Variants in SPATA17 observed in about 807,000 individuals in gnomAD.
SPATA17 encodes the protein spermatogenesis-associated protein 17.
In SPATA17, 53 loss-of-function variants were observed where a neutral mutation model predicts 62.2. The observed-to-expected ratio is 0.85, with a 90% CI of 0.68 to 1.07. The LOEUF (loss-of-function observed/expected upper bound fraction) is 1.07, where lower values mean the gene tolerates loss of function less well. Among genes scored for constraint, SPATA17 ranks in the 50% least tolerant of loss-of-function variants. The pLI is 0.00. For synonymous variants in SPATA17, 146 were observed against 146.8 expected (o/e 0.99, Z 0.04); for missense variants, 466 against 425.5 (o/e 1.10, Z -0.84).
rs192415634 is a variant in SPATA17, at chr1:217,868,201, G to T, written c.*1182G>T. The T allele has an allele frequency of 2.4e-4, 36 of 151,988 alleles. No homozygotes were observed. The highest frequency in any genetic ancestry group is 7.5e-4 in the African/African-American group (31 of 41,454). 9.4% of individuals were successfully genotyped at this position (151,988 alleles called of 1,614,324 possible). A position where few individuals can be genotyped will look rare whatever the true frequency, so the allele number is the denominator to read the frequency against. ...TATTGGTGGTATAAAAGAATTATTG[G>T]TTTTTTTTAGGTGTCATGGTATTGT... On this transcript the variant is annotated 3_prime_UTR_variant, in exon 11 of 11. Transcript: ENST00000366933.
chr1:217,667,282 C>T (rs896336720), intron 3 of SPATA17, among the ~76,000 whole-genome samples: 4 of 151,862 alleles, frequency 2.6e-5, no homozygotes, highest in Admixed American at 6.6e-5. Context: ...CTCCTGACCT[C>T]GTGAGTCGCC....
At chr1:217,858,598 A>C (rs899484611) in intron 9 of SPATA17, among the ~76,000 whole-genome samples, 1 of 152,254 alleles carries the variant, frequency 6.6e-6, no homozygotes, top group Admixed American at 6.5e-5. Context: ...TTATTGATTC[A>C]GTTTTTTAAA....
intron 5 of SPATA17, among the ~76,000 whole-genome samples, chr1:217,728,967 T>A (rs1672334551): frequency 6.6e-6 from 1 of 152,204 alleles, no homozygotes; most frequent in South Asian, 2.1e-4. Context: ...CCAAGTTCAC[T>A]CCAATAATTC....
At chr1:217,706,377 C>T (rs1671734863) in intron 5 of SPATA17, among the ~76,000 whole-genome samples, 1 of 152,170 alleles carries the variant, frequency 6.6e-6, no homozygotes, top group Admixed American at 6.5e-5. Context: ...TATCTCAAAT[C>T]ATAATCCCCA....
intron 9 of SPATA17, among the ~76,000 whole-genome samples, chr1:217,860,704 A>G (rs190500379): frequency 1.3e-5 from 2 of 152,266 alleles, no homozygotes; most frequent in African/African-American, 4.8e-5. Flanking sequence ...ATCTTTCTGC[A>G]TCTCTTTACT....
At chr1:217,807,426 T>C (rs1202060134) in intron 9 of SPATA17, among the ~76,000 whole-genome samples, 2 of 152,164 alleles carry the variant, frequency 1.3e-5, no homozygotes, top group Non-Finnish European at 1.5e-5. Flanking sequence ...AAATCACATA[T>C]AAAAGGAAAC....
chr1:217,719,580 A>G (rs2102932965), intron 5 of SPATA17, among the ~76,000 whole-genome samples: 1 of 152,348 alleles, frequency 6.6e-6, no homozygotes. Context: ...TGGATATTGT[A>G]TCAGTCAGGG....
chr1:217,791,474 T>C (rs929868806), intron 8 of SPATA17, among the ~76,000 whole-genome samples: 1 of 152,188 alleles, frequency 6.6e-6, no homozygotes, highest in Admixed American at 6.5e-5. Context: ...GGCTGTATAG[T>C]GAGAACTGTG....
chr1:217,653,969 G>GA (rs947938507), intron 3 of SPATA17, among the ~76,000 whole-genome samples: 1 of 151,896 alleles, frequency 6.6e-6, no homozygotes, highest in African/African-American at 2.4e-5. Context: ...CACAGGTATG[G>GA]AAAAAATGTA....
At chr1:217,813,801 C>T (rs996625846) in intron 9 of SPATA17, among the ~76,000 whole-genome samples, 2 of 151,790 alleles carry the variant, frequency 1.3e-5, no homozygotes, top group African/African-American at 2.4e-5. Context: ...TCTATAGATG[C>T]ATTTGTATAT....
chr1:217,641,717 G>T (rs1166042164), intron 1 of SPATA17, among the ~76,000 whole-genome samples: 1 of 151,994 alleles, frequency 6.6e-6, no homozygotes, highest in Non-Finnish European at 1.5e-5. Flanking sequence ...AATCATATGA[G>T]AGTAAGTTGC....
chr1:217,823,441 T>A (rs557122449), intron 9 of SPATA17, among the ~76,000 whole-genome samples: 2 of 152,074 alleles, frequency 1.3e-5, no homozygotes, highest in South Asian at 4.1e-4. Context: ...GTTTAATTTT[T>A]CACTCTGCTC....
chr1:217,658,584 C>T (rs1196869561), intron 3 of SPATA17, among the ~76,000 whole-genome samples: 2 of 151,910 alleles, frequency 1.3e-5, no homozygotes, highest in Non-Finnish European at 2.9e-5. Flanking sequence ...TGGTGATAGC[C>T]CGTCTCTACT....
intron 5 of SPATA17, among the ~76,000 whole-genome samples, chr1:217,690,535 T>A (rs1320422877): frequency 2.7e-5 from 4 of 145,908 alleles, no homozygotes; most frequent in African/African-American, 1.0e-4. Context: ...CATGTGCACA[T>A]TGTGCAGGTT....
At chr1:217,782,471 C>A in intron 8 of SPATA17, 149 bp downstream of exon 8, 1 of 871,606 alleles carries the variant, frequency 1.1e-6, no homozygotes, top group Non-Finnish European at 1.6e-6. Flanking sequence ...AATTTTTCAG[C>A]ATGCAAATGA....
chr1:217,747,476 C>T (rs557957344), intron 6 of SPATA17, among the ~76,000 whole-genome samples: 2 of 152,032 alleles, frequency 1.3e-5, no homozygotes, highest in African/African-American at 4.8e-5. Context: ...ATTACAGACA[C>T]AAATGTAAAA....
chr1:217,808,065 C>T (rs567741075), intron 9 of SPATA17, among the ~76,000 whole-genome samples: 158 of 152,240 alleles, frequency 1.0e-3, no homozygotes, highest in Admixed American at 2.0e-3. Flanking sequence ...TAATAAAGAG[C>T]CATACGTTCT....
chr1:217,741,636 CT>C (rs1672627279), intron 5 of SPATA17, among the ~76,000 whole-genome samples: 1 of 151,240 alleles, frequency 6.6e-6, no homozygotes, highest in African/African-American at 2.4e-5. Context: ...CAGATGCTTT[CT>C]TGGGATATTT....
At chr1:217,708,726 AC>A (rs1671792908) in intron 5 of SPATA17, among the ~76,000 whole-genome samples, 1 of 151,888 alleles carries the variant, frequency 6.6e-6, no homozygotes, top group Non-Finnish European at 1.5e-5. Flanking sequence ...AGATGCAACA[AC>A]AAAAAAAAAA....
Sources: gnomAD v4.1 joint callset for allele counts (sites outside exome capture counted in the v4.1 genomes callset) on GRCh38, gnomAD v4.1.1 for gene constraint, MANE v1.5 for transcripts, NCBI Gene and HGNC (gene_info 2026-07-23, HGNC 2026-07-21) for gene names.